Variants in TFEC observed in about 807,000 individuals in gnomAD.
TFEC encodes class E basic helix-loop-helix protein 34.
TFEC carries 31 observed loss-of-function variants against 41.6 expected under a neutral mutation model. The observed-to-expected ratio is 0.74, with a 90% CI of 0.56 to 1.01. TFEC has a LOEUF of 1.01. Ranked by LOEUF, TFEC falls within the 50% of genes least tolerant of loss-of-function variation. The pLI is 0.00. For missense variants in TFEC, 402 were observed against 404.1 expected, an observed-to-expected ratio of 0.99 and a Z score of 0.04; for synonymous variants, 143 against 140.6, an observed-to-expected ratio of 1.02 and a Z score of -0.12.
chr7:116,005,223 G>A (rs1023539530), intron 1 of TFEC, among the ~76,000 whole-genome samples: 2 of 152,174 alleles, frequency 1.3e-5, no homozygotes, highest in Non-Finnish European at 2.9e-5. Flanking sequence ...CCAAAAATGT[G>A]GAAGCGACTT....
chr7:116,035,641 G>A (rs1202868604), upstream of TFEC, among the ~76,000 whole-genome samples: 1 of 151,920 alleles, frequency 6.6e-6, no homozygotes, highest in African/African-American at 2.4e-5. Context: ...TTAAACACAC[G>A]ATAAGACTAT....
chr7:116,076,533 G>C (rs944882847), intron 3 of TFEC, among the ~76,000 whole-genome samples: 1 of 151,888 alleles, frequency 6.6e-6, no homozygotes, highest in Non-Finnish European at 1.5e-5. Context: ...CATGATACAG[G>C]ATATGAAGGG....
intron 3 of TFEC, among the ~76,000 whole-genome samples, chr7:116,094,560 G>T (rs1797406675): frequency 6.6e-6 from 1 of 151,916 alleles, no homozygotes; most frequent in Non-Finnish European, 1.5e-5. Context: ...TGTGCCTGTG[G>T]TCCCAGCTAC....
chr7:116,014,020 C>CT (rs1795099661), intron 1 of TFEC, among the ~76,000 whole-genome samples: 1 of 151,998 alleles, frequency 6.6e-6, no homozygotes, highest in Non-Finnish European at 1.5e-5. Context: ...CCACTTTAGT[C>CT]CCTAGATTAT....
chr7:116,075,123 A>G (rs1211178392), intron 3 of TFEC, among the ~76,000 whole-genome samples: 3 of 152,208 alleles, frequency 2.0e-5, no homozygotes, highest in African/African-American at 7.2e-5. Context: ...AGATTGTGGT[A>G]ATGTTTGCAC....
chr7:116,142,360 G>A (rs566678795), intron 1 of TFEC, among the ~76,000 whole-genome samples: 3 of 152,136 alleles, frequency 2.0e-5, no homozygotes, highest in Non-Finnish European at 2.9e-5. Flanking sequence ...GATAAGACTC[G>A]AGGTAGTGGA....
At chr7:116,076,075 C>T (rs1796953160) in intron 3 of TFEC, among the ~76,000 whole-genome samples, 1 of 152,186 alleles carries the variant, frequency 6.6e-6, no homozygotes, top group South Asian at 2.1e-4. Context: ...GCTGAAAGAC[C>T]TCAAGATGGG....
chr7:116,109,177 T>C (rs1010408857), intron 3 of TFEC, among the ~76,000 whole-genome samples: 1 of 151,642 alleles, frequency 6.6e-6, no homozygotes, highest in East Asian at 1.9e-4. Context: ...GGACTTCATG[T>C]CTAAAACACC....
chr7:116,046,892 T>C (rs1176114797), intron 3 of TFEC, among the ~76,000 whole-genome samples: 1 of 152,246 alleles, frequency 6.6e-6, no homozygotes, highest in Non-Finnish European at 1.5e-5. Context: ...AGAGGTGAGC[T>C]GTAACACAAT....
At position 116,046,555 on chromosome 7, in the gene TFEC, T is replaced by G. The variant is rs187666952; in HGVS notation, c.199-62042A>C. Among the ~76,000 whole-genome samples the G allele has an allele frequency of 2.8e-4, 42 of 152,308 alleles. 1 individual carries two copies. The South Asian group carries it at 7.5e-3, about 27-fold the overall frequency. On this transcript the variant is annotated intron_variant, in intron 3 of 8. Coordinates refer to the TFEC transcript ENST00000484212. ...CTTCCCAGTCTCAGATGTGTCTTTA[T>G]CAACAGTGTGAAAATGAAATAATAT...
chr7:116,053,314 G>A (rs529491047), intron 3 of TFEC, among the ~76,000 whole-genome samples: 2 of 152,294 alleles, frequency 1.3e-5, no homozygotes, highest in African/African-American at 4.8e-5. Context: ...TAGTTTATCT[G>A]TGCATATACA....
intron 1 of TFEC, among the ~76,000 whole-genome samples, chr7:116,150,804 A>T (rs1029312403): frequency 3.3e-5 from 5 of 152,140 alleles, no homozygotes; most frequent in Non-Finnish European, 5.9e-5. Context: ...GAGGTAGAGT[A>T]AGGGTGATTG....
chr7:116,037,143 A>C (rs1216826016), intron 3 of TFEC, among the ~76,000 whole-genome samples: 1 of 152,084 alleles, frequency 6.6e-6, no homozygotes, highest in African/African-American at 2.4e-5. Flanking sequence ...TTGCTTTTAC[A>C]GAAGTCTCAA....
At chr7:115,976,483 C>A (rs1328387316) in intron 2 of TFEC, among the ~76,000 whole-genome samples, 1 of 152,078 alleles carries the variant, frequency 6.6e-6, no homozygotes, top group Non-Finnish European at 1.5e-5. Context: ...CAAATAGACA[C>A]ATGTGGTTCA....
intron 3 of TFEC, among the ~76,000 whole-genome samples, chr7:116,098,060 G>A (rs1255863985): frequency 6.6e-6 from 1 of 152,134 alleles, no homozygotes; most frequent in East Asian, 1.9e-4. Context: ...GATTAGCAAG[G>A]TGGATAAAAA....
intron 3 of TFEC, among the ~76,000 whole-genome samples, chr7:116,075,436 T>C (rs1172401680): frequency 2.6e-5 from 4 of 151,938 alleles, no homozygotes. Context: ...AGCAAAAAAA[T>C]GTGGGTGTGC....
chr7:116,045,221 A>C (rs1206294350), intron 3 of TFEC, among the ~76,000 whole-genome samples: 3 of 152,198 alleles, frequency 2.0e-5, no homozygotes, highest in Non-Finnish European at 2.9e-5. Context: ...GTCCAGGCTG[A>C]GGTGGTCTCA....
intron 3 of TFEC, among the ~76,000 whole-genome samples, chr7:116,089,961 G>T (rs1298708115): frequency 6.6e-6 from 1 of 152,006 alleles, no homozygotes; most frequent in Admixed American, 6.6e-5. Flanking sequence ...CTGTCTTCTG[G>T]GAAGAGATGC....
chr7:116,030,544 C>T (rs942736618), intron 1 of TFEC, 89 bp downstream of exon 1: 5 of 788,896 alleles, frequency 6.3e-6, no homozygotes, highest in African/African-American at 1.9e-5. Context: ...AAGCAAGCCA[C>T]ACATATCAAA....
Sources: gnomAD v4.1 joint callset for allele counts (sites outside exome capture counted in the v4.1 genomes callset) on GRCh38, gnomAD v4.1.1 for gene constraint, MANE v1.5 for transcripts, NCBI Gene and HGNC (gene_info 2026-07-23, HGNC 2026-07-21) for gene names.